The following NUP37 variants were observed in gnomAD, a reference collection of about 807,000 sequenced individuals.
NUP37 encodes nucleoporin Nup37.
NUP37 carries 33 observed loss-of-function variants against 45.4 expected under a neutral mutation model. The observed-to-expected ratio is 0.73, with a 90% CI of 0.55 to 0.97. The LOEUF (loss-of-function observed/expected upper bound fraction) is 0.97, where lower values mean the gene tolerates loss of function less well. Among genes scored for constraint, NUP37 ranks in the 50% least tolerant of loss-of-function variants. The pLI is 0.00. For missense variants in NUP37, 365 were observed against 389.7 expected (o/e 0.94, Z 0.53); for synonymous variants, 127 against 130.7 (o/e 0.97, Z 0.19).
chr12:102,088,304 G>C (rs1255820824), intron 5 of NUP37, among the ~76,000 whole-genome samples: 1 of 151,964 alleles, frequency 6.6e-6, no homozygotes, highest in South Asian at 2.1e-4. Context: ...AGCTCATCTG[G>C]TTAATATTAC....
intron 6 of NUP37, among the ~76,000 whole-genome samples, chr12:102,082,728 T>G (rs1879363915): frequency 6.6e-6 from 1 of 152,130 alleles, no homozygotes. Flanking sequence ...AGTGATAGGA[T>G]GAAACTGATA....
chr12:102,114,835 A>G (rs1880418088), intron 2 of NUP37, among the ~76,000 whole-genome samples: 1 of 152,208 alleles, frequency 6.6e-6, no homozygotes, highest in Non-Finnish European at 1.5e-5. Context: ...AGTTTATTCA[A>G]TTGGGGGATA....
intron 3 of NUP37, among the ~76,000 whole-genome samples, chr12:102,106,748 G>A (rs948199995): frequency 2.6e-5 from 4 of 152,242 alleles, no homozygotes; most frequent in South Asian, 4.2e-4. Flanking sequence ...AACCAGGTCC[G>A]CTTTGTGGTC....
At chr12:102,075,786 C>T (rs927754147) in intron 8 of NUP37, among the ~76,000 whole-genome samples, 3 of 152,058 alleles carry the variant, frequency 2.0e-5, no homozygotes, top group African/African-American at 7.2e-5. Context: ...GTTCAGGGCA[C>T]AGTGTGTCCT....
chr12:102,119,783 A>G (rs1346394838), intron 1 of NUP37, among the ~76,000 whole-genome samples: 2 of 152,234 alleles, frequency 1.3e-5, no homozygotes, highest in African/African-American at 2.4e-5. Flanking sequence ...CCTACTGCTC[A>G]TTAAAGCAGT....
Position 102,118,290 on chromosome 12 carries a change from A to G in NUP37, c.156+73T>C, listed in dbSNP as rs1352144735. 5.9e-6 allele frequency: 8 copies of G among 1,360,658 alleles called. No homozygotes were observed. The Admixed American group carries it at 1.5e-4, about 25-fold the overall frequency. 84.3% of individuals were successfully genotyped at this position (1,360,658 alleles called of 1,614,324 possible). On this transcript the variant is annotated intron_variant, in intron 2 of 9. Coordinates refer to ENST00000552283, the MANE Select transcript of NUP37 (RefSeq NM_024057.4). ...CAAACTCAATATACTTTCAAAGTTT[A>G]GATTTGGTTTGTGTAAGTTCTCTTA...
At chr12:102,090,174 T>C (rs1217088614) in intron 5 of NUP37, among the ~76,000 whole-genome samples, 1 of 152,198 alleles carries the variant, frequency 6.6e-6, no homozygotes, top group South Asian at 2.1e-4. Flanking sequence ...TAATCATTTA[T>C]ATGAATGGTA....
Position 102,077,381 on chromosome 12 carries a change from G to GCACCA in NUP37, c.662_663insTGGTG (p.Phe222GlyfsTer14). On this transcript the variant is annotated frameshift_variant, in exon 7 of 10. Transcript: ENST00000552283. LOFTEE classifies it high-confidence loss of function. ...TTCCTGCAACGGCTCCAACTTTGAA[G>GCACCA]GTGTTTTTTAAGCACCAGTGTGCTG... is the stretch of plus-strand genomic sequence containing the variant. The GCACCA allele has an allele frequency of 6.2e-7, 1 of 1,614,100 alleles. No individual in the cohort carries two copies. Among genetic ancestry groups the GCACCA allele is most frequent in the Non-Finnish European group, 8.5e-7 (1 of 1,179,992 alleles).
At chr12:102,108,491 C>T (rs1028420182) in intron 3 of NUP37, among the ~76,000 whole-genome samples, 1 of 152,144 alleles carries the variant, frequency 6.6e-6, no homozygotes, top group Admixed American at 6.5e-5. Flanking sequence ...AGCTTGCAGA[C>T]GCCTTATTGT....
chr12:102,076,885 TAAACTC>T (rs1879186455), intron 7 of NUP37, 38 bp from the exon 8 acceptor site: 2 of 1,454,668 alleles, frequency 1.4e-6, no homozygotes, highest in East Asian at 2.3e-5. Flanking sequence ...AATTATGTGT[TAAACTC>T]AAGTGGGTGA....
chr12:102,085,855 T>G lies in NUP37; in HGVS notation c.451A>C (p.Ile151Leu). ...ASVSDDHTCR[I>L]WNLEGVQTAH... Reference sequence around the variant, plus strand: ...GTTTGCACTCCTTCCAAGTTCCAAATCCTAATAAAAGAATAACAGTATAAT... The same window carrying G: ...GTTTGCACTCCTTCCAAGTTCCAAAGCCTAATAAAAGAATAACAGTATAAT... Residue 151 changes from isoleucine (I) to leucine (L), a missense_variant and splice_region_variant, in exon 6 of 10, where the codon ATT becomes CTT. Transcript: ENST00000552283. The G allele has an allele frequency of 6.6e-7, 1 of 1,519,326 alleles. No individual in the cohort carries two copies. Among genetic ancestry groups the G allele is most frequent in the South Asian group, 1.2e-5 (1 of 86,366 alleles). 94.1% of individuals were successfully genotyped at this position (1,519,326 alleles called of 1,614,324 possible).
intron 6 of NUP37, among the ~76,000 whole-genome samples, chr12:102,082,360 A>G (rs1452775794): frequency 1.3e-5 from 2 of 152,106 alleles, no homozygotes; most frequent in Non-Finnish European, 2.9e-5. Flanking sequence ...ATAAGAGGCT[A>G]ACAATTCTGG....
chr12:102,078,743 A>G (rs930575630), intron 6 of NUP37, among the ~76,000 whole-genome samples: 6 of 152,198 alleles, frequency 3.9e-5, no homozygotes, highest in Non-Finnish European at 8.8e-5. Flanking sequence ...AATAGTAGCC[A>G]CCCACTCAAA....
rs534673460 is a variant in NUP37, at chr12:102,103,098, A to C, written c.282-1994T>G. ...CTGGGGTGTTTTATAATTTCATATA[A>C]ATTTTTTAATTGATTTTTCTATTTC... is the stretch of plus-strand genomic sequence containing the variant. On this transcript the variant is annotated intron_variant, in intron 3 of 9. Transcript: ENST00000552283. Among the ~76,000 whole-genome samples, 435 of 152,230 alleles carry C rather than the reference A, an allele frequency of 2.9e-3. 2 individuals carry two copies. Among genetic ancestry groups the C allele is most frequent in the African/African-American group, 9.5e-3 (396 of 41,552 alleles).
rs1372840810 is a variant in NUP37, at chr12:102,073,910, C to T, written c.*444G>A. 6.6e-6 allele frequency: 1 copy of T among 152,298 alleles called. No individual in the cohort carries two copies. 9.4% of individuals were successfully genotyped at this position (152,298 alleles called of 1,614,324 possible). A position where few individuals can be genotyped will look rare whatever the true frequency, so the allele number is the denominator to read the frequency against. On this transcript the variant is annotated 3_prime_UTR_variant, in exon 10 of 10. Transcript: ENST00000552283. ...TCTTGAACTCCTCACCTCAAGTGATCCACTCCCTTCAGCCTCCCAAAGTGT... is the reference window on the plus strand; with the variant it reads ...TCTTGAACTCCTCACCTCAAGTGATTCACTCCCTTCAGCCTCCCAAAGTGT...
chr12:102,108,492 G>A (rs1356205865), intron 3 of NUP37, among the ~76,000 whole-genome samples: 2 of 152,122 alleles, frequency 1.3e-5, no homozygotes, highest in African/African-American at 2.4e-5. Context: ...GCTTGCAGAC[G>A]CCTTATTGTG....
chr12:102,098,855 A>G (rs1311489367), intron 5 of NUP37, among the ~76,000 whole-genome samples: 1 of 152,136 alleles, frequency 6.6e-6, no homozygotes, highest in African/African-American at 2.4e-5. Flanking sequence ...GATTTCATAA[A>G]TGTGAAAATC....
intron 2 of NUP37, among the ~76,000 whole-genome samples, chr12:102,115,427 G>C (rs1447041598): frequency 6.6e-6 from 1 of 152,228 alleles, no homozygotes; most frequent in Non-Finnish European, 1.5e-5. Flanking sequence ...GAGGCCTCTA[G>C]TAGAACTTGG....
chr12:102,091,721 T>C (rs1350838277), intron 5 of NUP37, among the ~76,000 whole-genome samples: 1 of 152,164 alleles, frequency 6.6e-6, no homozygotes, highest in Non-Finnish European at 1.5e-5. Context: ...TCAAGTGAAA[T>C]AAAATGACAG....
Sources: allele counts gnomAD v4.1 joint callset (sites outside exome capture counted in the v4.1 genomes callset), GRCh38; gene constraint gnomAD v4.1.1; transcripts MANE v1.5; gene names NCBI Gene and HGNC (gene_info 2026-07-23, HGNC 2026-07-21).